Variants in KDM4C observed in about 807,000 individuals in gnomAD.
The protein encoded by KDM4C is lysine-specific demethylase 4C.
In KDM4C, 81 loss-of-function variants were observed where a neutral mutation model predicts 129.3. The ratio of observed to expected loss-of-function variants is 0.63; its 90% confidence interval spans 0.52 to 0.75. The LOEUF is 0.75. Ranked by LOEUF, KDM4C falls within the 30% of genes least tolerant of loss-of-function variation. The probability of loss-of-function intolerance (pLI) is 0.00; values close to 1 mark genes in which losing one functional copy is unlikely to be tolerated. For missense variants in KDM4C, 1,457 were observed against 1,304.0 expected (o/e 1.12, Z -1.81); for synonymous variants, 573 against 456.1 (o/e 1.26, Z -3.26).
At chr9:7,063,488 A>T (rs1036132922) in intron 17 of KDM4C, among the ~76,000 whole-genome samples, 11 of 152,224 alleles carry the variant, frequency 7.2e-5, no homozygotes, top group African/African-American at 2.7e-4. Context: ...AGGAGGGAGC[A>T]GAATTCCTGG....
chr9:7,170,501 A>C, intron 21 of KDM4C: 1 of 978,908 alleles, frequency 1.0e-6, no homozygotes, highest in Non-Finnish European at 1.2e-6. Context: ...AAGATGAACA[A>C]ACATGGACAA....
chr9:6,943,901 A>G (rs942321597), intron 8 of KDM4C, among the ~76,000 whole-genome samples: 1 of 152,120 alleles, frequency 6.6e-6, no homozygotes, highest in African/African-American at 2.4e-5. Context: ...CATGCTTGCT[A>G]AATTCTGAGA....
At chr9:6,983,861 T>G (rs955667686) in intron 9 of KDM4C, among the ~76,000 whole-genome samples, 79 of 152,348 alleles carry the variant, frequency 5.2e-4, no homozygotes, top group African/African-American at 1.8e-3. Context: ...ATTTTTTACT[T>G]TATTTTTATT....
At chr9:7,092,208 A>G (rs1453471948) in intron 17 of KDM4C, among the ~76,000 whole-genome samples, 1 of 152,152 alleles carries the variant, frequency 6.6e-6, no homozygotes, top group African/African-American at 2.4e-5. Flanking sequence ...TTCTGTATCC[A>G]TTATTCCATT....
In KDM4C at chr9:6,758,592, C is replaced by G. The variant is rs1325277623; in HGVS notation, c.-18+389C>G. ...TCCAGGAAGGCCGGGCCTGGTGCAC[C>G]CCTCGGGGCCCTCCCTTCCCTGGGA... On this transcript the variant is annotated intron_variant, in intron 1 of 21. Transcript: ENST00000381309. The surrounding 1 kb of genome is among the most constrained non-coding windows in gnomAD (Gnocchi z 4.6). Among the ~76,000 whole-genome samples, 2 of 152,188 alleles carry G rather than the reference C, an allele frequency of 1.3e-5. No individual in the cohort carries two copies. Among genetic ancestry groups the G allele is most frequent in the African/African-American group, 2.4e-5 (1 of 41,446 alleles).
At chr9:7,003,160 C>G (rs948562000) in intron 12 of KDM4C, among the ~76,000 whole-genome samples, 10 of 152,156 alleles carry the variant, frequency 6.6e-5, no homozygotes, top group Admixed American at 1.3e-4. Flanking sequence ...GCCACTGTGT[C>G]CAGCCTACTC....
chr9:7,085,092 G>A (rs1834958562), intron 17 of KDM4C, among the ~76,000 whole-genome samples: 1 of 152,194 alleles, frequency 6.6e-6, no homozygotes, highest in Admixed American at 6.5e-5. Flanking sequence ...GTGTATTCGA[G>A]GACCCTGAGG....
intron 17 of KDM4C, among the ~76,000 whole-genome samples, chr9:7,052,894 A>AGAGAGAGAGAGAGAGCGC (rs1339242817): frequency 9.5e-6 from 1 of 105,468 alleles, no homozygotes; most frequent in South Asian, 3.7e-4. Context: ...AGAGAGAGAG[A>AGAGAGAGAGAGAGAGCGC]GAGAGAGCGA....
At chr9:6,777,476 T>G (rs189119579) in intron 1 of KDM4C, among the ~76,000 whole-genome samples, 227 of 152,354 alleles carry the variant, frequency 1.5e-3, no homozygotes, top group African/African-American at 5.2e-3. Flanking sequence ...ACTTTTAGAA[T>G]GACAATGTGA....
chr9:6,835,616 A>G, intron 4 of KDM4C: 1 of 841,000 alleles, frequency 1.2e-6, no homozygotes. Context: ...CTTTCTTGAC[A>G]AAACCTGACT....
In KDM4C at chr9:6,987,227, T is replaced by C. The variant is rs375778564; in HGVS notation, c.1677+561T>C. Among the ~76,000 whole-genome samples, 14 of 152,158 alleles carry C rather than the reference T, an allele frequency of 9.2e-5. No homozygotes were observed. The East Asian group carries it at 2.5e-3, about 27-fold the overall frequency. On this transcript the variant is annotated intron_variant, in intron 11 of 21. Coordinates refer to ENST00000381309, the MANE Select transcript of KDM4C (RefSeq NM_015061.6). Reference sequence around the variant, plus strand: ...GTCATGCTTTCTTCTTACTCTTTCCTCATGGACCCTGAATCTCAGGACCAG... The same window carrying C: ...GTCATGCTTTCTTCTTACTCTTTCCCCATGGACCCTGAATCTCAGGACCAG...
chr9:7,024,579 T>G (rs1250285411), intron 15 of KDM4C, among the ~76,000 whole-genome samples: 1 of 151,304 alleles, frequency 6.6e-6, no homozygotes, highest in Non-Finnish European at 1.5e-5. Flanking sequence ...TGAGAACATG[T>G]GGTGTTTGGT....
At chr9:7,064,760 T>C (rs1587385600) in intron 17 of KDM4C, among the ~76,000 whole-genome samples, 2 of 152,254 alleles carry the variant, frequency 1.3e-5, no homozygotes, top group South Asian at 4.2e-4. Flanking sequence ...AGGTATGTAG[T>C]TGTTTAACAG....
chr9:7,110,530 T>A, intron 18 of KDM4C, among the ~76,000 whole-genome samples: 1 of 152,150 alleles, frequency 6.6e-6, no homozygotes, highest in Non-Finnish European at 1.5e-5. Context: ...TTCCTAGGTT[T>A]GTATGGTTTA....
chr9:6,734,806 G>C, intron 1 of KDM4C: 1 of 433,662 alleles, frequency 2.3e-6, no homozygotes, highest in Non-Finnish European at 4.6e-6. Context: ...GTAGATTCCT[G>C]TTCCATTGTT....
intron 15 of KDM4C, among the ~76,000 whole-genome samples, chr9:7,038,002 A>G (rs144607051): frequency 1.9e-4 from 29 of 152,162 alleles, no homozygotes; most frequent in Admixed American, 6.5e-4. Flanking sequence ...GATTTTATTT[A>G]TTTATTTTGT....
chr9:7,075,194 G>A (rs1418509875), intron 17 of KDM4C, among the ~76,000 whole-genome samples: 2 of 152,150 alleles, frequency 1.3e-5, no homozygotes, highest in Admixed American at 6.5e-5. Flanking sequence ...GGATCCCAGC[G>A]CATAATACCT....
chr9:6,721,963 C>A (rs1816968757), intron 1 of KDM4C, among the ~76,000 whole-genome samples: 1 of 152,138 alleles, frequency 6.6e-6, no homozygotes, highest in African/African-American at 2.4e-5. Context: ...TGCAAGCAAT[C>A]CTCTTGCCTT....
At chr9:6,904,729 ATGTATTTT>A (rs1407202252) in intron 8 of KDM4C, among the ~76,000 whole-genome samples, 1 of 152,230 alleles carries the variant, frequency 6.6e-6, no homozygotes, top group African/African-American at 2.4e-5. Context: ...ATTTGAAGGA[ATGTATTTT>A]TAAGAAAAAC....
Sources: allele counts gnomAD v4.1 joint callset (sites outside exome capture counted in the v4.1 genomes callset), GRCh38; gene constraint gnomAD v4.1.1; non-coding constraint Gnocchi (gnomAD v3.1); transcripts MANE v1.5; gene names NCBI Gene and HGNC (gene_info 2026-07-23, HGNC 2026-07-21).